Variants in DDR1 observed in about 807,000 individuals in gnomAD.
The protein encoded by DDR1 is discoidin domain receptor tyrosine kinase 1, also known as epithelial discoidin domain-containing receptor 1.
In DDR1, 64 loss-of-function variants were observed where a neutral mutation model predicts 97.4. The ratio of observed to expected loss-of-function variants is 0.66; its 90% CI spans 0.54 to 0.81. The LOEUF (loss-of-function observed/expected upper bound fraction) is 0.81, where lower values mean the gene tolerates loss of function less well. Among genes scored for constraint, DDR1 ranks in the 30% least tolerant of loss-of-function variants. DDR1 has a pLI of 0.00. For missense variants in DDR1, 990 were observed against 1,259.6 expected (o/e 0.79, Z 3.24); for synonymous variants, 458 against 503.7 (o/e 0.91, Z 1.21).
intron 13 of DDR1, 44 bp from the exon 14 acceptor site, chr6:30,896,970 C>A: frequency 6.3e-7 from 1 of 1,593,286 alleles, no homozygotes; most frequent in South Asian, 1.1e-5. Flanking sequence ...CGTGTTAATC[C>A]GTTTGACCCT....
chr6:30,891,279 G>A lies in DDR1; in HGVS notation c.566-101G>A. The A allele has an allele frequency of 3.5e-6, 5 of 1,408,650 alleles. No individual in the cohort carries two copies. Among genetic ancestry groups the A allele is most frequent in the Non-Finnish European group, 4.9e-6 (5 of 1,018,808 alleles). 87.3% of individuals were successfully genotyped at this position (1,408,650 alleles called of 1,614,324 possible). ...GTCTCCTCCATGCCAATGAGCCAGT[G>A]GAGAGATACAAGAAGGGACCTGAAA... On this transcript the variant is annotated intron_variant, in intron 5 of 17. Transcript: ENST00000376568. The surrounding 1 kb of genome is among the most constrained non-coding windows in gnomAD (Gnocchi z 5.3).
chr6:30,888,485 TA>T lies in DDR1; in HGVS notation c.-42-199del. 3.3e-6 allele frequency: 2 copies of T among 608,274 alleles called. No individual in the cohort carries two copies. The highest frequency in any genetic ancestry group is 5.7e-6 in the Non-Finnish European group (2 of 350,808). The allele number at this position is 608,274 out of a possible 1,614,324, so 37.7% of individuals were successfully genotyped here. A position where few individuals can be genotyped will look rare whatever the true frequency, so the allele number is the denominator to read the frequency against. ...CTACCTTATGAAGTGACTGTGAAGA[TA>T]AAATTATGGATTCTGTTTAAGGGTT... On this transcript the variant is annotated intron_variant, in intron 1 of 17. Transcript: ENST00000376568. This position sits in a 1 kb window ranked among gnomAD's most constrained non-coding sequence, Gnocchi z 4.2.
chr6:30,893,096 G>C lies in DDR1; in HGVS notation c.1128G>C (p.Leu376=), dbSNP rs1214741073. 6.2e-7 allele frequency: 1 copy of C among 1,612,262 alleles called. No individual in the cohort carries two copies. Among genetic ancestry groups the C allele is most frequent in the Non-Finnish European group, 8.5e-7 (1 of 1,179,912 alleles). The change falls in exon 9 of 18, where the codon CTG becomes CTC. Residue 376 remains leucine (L), a synonymous_variant. Transcript: ENST00000376568. ...TGGTGAACAATTCCTCTCCGGCACT[G>C]GGAGGCACCTTCCCGCCAGCCCCCT... ...SDVVNNSSPA[L]GGTFPPAPWW...
chr6:30,897,233 G>A lies in DDR1; in HGVS notation c.1997+92G>A, dbSNP rs2150437207. On this transcript the variant is annotated intron_variant, in intron 14 of 17. Transcript: ENST00000376568. The surrounding 1 kb of genome is among the most constrained non-coding windows in gnomAD (Gnocchi z 5.2). ...GAGAACAATGGCAGAGCCCAACAGA[G>A]GGGTGGCATCTCTGGGAGGGGATTT... 1.9e-6 allele frequency: 3 copies of A among 1,562,836 alleles called. No individual in the cohort carries two copies. Among genetic ancestry groups the A allele is most frequent in the Non-Finnish European group, 2.6e-6 (3 of 1,153,520 alleles).
At chr6:30,881,061 C>G (rs1192609995), upstream of DDR1, 7 of 152,200 alleles carry the variant, frequency 4.6e-5, no homozygotes, top group Admixed American at 1.3e-4. Flanking sequence ...CGTTGGCAGC[C>G]CCAGACCCGA....
intron 12 of DDR1, among the ~76,000 whole-genome samples, chr6:30,896,419 C>T (rs1319427123): frequency 6.6e-6 from 1 of 152,018 alleles, no homozygotes; most frequent in Non-Finnish European, 1.5e-5. Flanking sequence ...TTGAAAAGCT[C>T]TGGAATAGCT....
Position 30,889,015 on chromosome 6 carries a change from T to C in DDR1, c.188+5T>C. On this transcript the variant is annotated splice_donor_5th_base_variant and intron_variant, in intron 3 of 17. Transcript: ENST00000376568. The surrounding 1 kb of genome is among the most constrained non-coding windows in gnomAD (Gnocchi z 4.9). ...CACTGCCGCCCGCCACAGCAGGTAC[T>C]TGGCACACCTGGCACACTTGTAGCT... 6.2e-7 allele frequency: 1 copy of C among 1,612,920 alleles called. No homozygotes were observed.
Position 30,891,647 on chromosome 6 carries a change from G to A in DDR1, c.665+168G>A, listed in dbSNP as rs1276593521. Among the ~76,000 whole-genome samples the A allele has an allele frequency of 6.6e-6, 1 of 152,036 alleles. No individual in the cohort carries two copies. The highest frequency in any genetic ancestry group is 1.5e-5 in the Non-Finnish European group (1 of 67,986). The stretch of plus-strand genomic sequence containing the variant: ...GGGATGGGTTAGGTGGGGCCTCAAA[G>A]GGTAGCACTAGGGTGACCACTAGCC... On this transcript the variant is annotated intron_variant, in intron 6 of 17. Coordinates refer to ENST00000376568, the MANE Select transcript of DDR1 (RefSeq NM_001297654.2). The surrounding 1 kb of genome is among the most constrained non-coding windows in gnomAD (Gnocchi z 5.3).
chr6:30,884,332 C>T (rs945775069), upstream of DDR1: 3 of 148,580 alleles, frequency 2.0e-5, no homozygotes, highest in Non-Finnish European at 4.5e-5. This position sits in a 1 kb window ranked among gnomAD's most constrained non-coding sequence, Gnocchi z 6.1. Context: ...GGCGCGGGGC[C>T]TGGAGCTCGG....
Position 30,897,478 on chromosome 6 carries a change from G to T in DDR1, c.2097G>T (p.Met699Ile). Reference sequence around the variant, plus strand: ...GTGTGCAGGACGACCCCCTCTGCATGATTACTGACTACATGGAGAACGGCG... The same window carrying T: ...GTGTGCAGGACGACCCCCTCTGCATTATTACTGACTACATGGAGAACGGCG... Reference protein sequence around the residue: ...GVCVQDDPLCMITDYMENGDL... With the variant: ...GVCVQDDPLCIITDYMENGDL... Residue 699 changes from methionine (M) to isoleucine (I), a missense_variant, in exon 15 of 18, where the codon ATG becomes ATT. Transcript: ENST00000376568. The surrounding 1 kb of genome is among the most constrained non-coding windows in gnomAD (Gnocchi z 5.2). 6.2e-7 allele frequency: 1 copy of T among 1,614,132 alleles called. No homozygotes were observed. The highest frequency in any genetic ancestry group is 8.5e-7 in the Non-Finnish European group (1 of 1,180,010).
At position 30,892,287 on chromosome 6, in the gene DDR1, TC is replaced by T; in HGVS notation, c.853-3del. ...GCCTTGACCCTGTGCCCTCTTCCCT[TC>T]CCCCCAGGTCCACTGTAACAACATG... On this transcript the variant is annotated splice_region_variant and splice_polypyrimidine_tract_variant and intron_variant, in intron 7 of 17. Transcript: ENST00000376568. 5 of 1,574,866 alleles carry T rather than the reference TC, an allele frequency of 3.2e-6. No individual in the cohort carries two copies. The highest frequency in any genetic ancestry group is 1.3e-5 in the African/African-American group (1 of 74,360).
chr6:30,899,091 A>G, intron 17 of DDR1, 54 bp downstream of exon 17: 1 of 1,614,170 alleles, frequency 6.2e-7, no homozygotes, highest in Non-Finnish European at 8.5e-7. Context: ...GAAGGGGCAG[A>G]GTTGTCATCT....
rs936816885 is a variant in DDR1 at position 30,891,018 on chromosome 6, C to G, written c.463C>G (p.Leu155Val). The G allele has an allele frequency of 4.3e-6, 7 of 1,612,652 alleles. No homozygotes were observed. The highest frequency in any genetic ancestry group is 5.1e-6 in the Non-Finnish European group (6 of 1,179,866). ...CCCTGAGGGAGTGGTGCTGAAGGAC[C>G]TTGGGCCCCCCATGGTTGCCCGACT... ...EDPEGVVLKD[L>V]GPPMVARLVR... Residue 155 changes from leucine to valine, a missense_variant, in exon 5 of 18, where the codon CTT becomes GTT. Transcript: ENST00000376568. The surrounding 1 kb of genome is among the most constrained non-coding windows in gnomAD (Gnocchi z 5.3).
At position 30,890,928 on chromosome 6, in the gene DDR1, T is replaced by A; in HGVS notation, c.418-45T>A. On this transcript the variant is annotated intron_variant, in intron 4 of 17. Transcript: ENST00000376568. This position sits in a 1 kb window ranked among gnomAD's most constrained non-coding sequence, Gnocchi z 5.0. ...CAGCTGGTGGGTGGGAAGTAAGATCTGACCTGGACTCCATCCCACCCACCC... is the reference window on the plus strand; with the variant it reads ...CAGCTGGTGGGTGGGAAGTAAGATCAGACCTGGACTCCATCCCACCCACCC... 6.5e-7 allele frequency: 1 copy of A among 1,539,138 alleles called. No individual in the cohort carries two copies. The highest frequency in any genetic ancestry group is 2.3e-5 in the East Asian group (1 of 44,130).
In DDR1 at chr6:30,890,734, G is replaced by A. The variant is rs1249777601; in HGVS notation, c.418-239G>A. The A allele has an allele frequency of 4.2e-6, 2 of 479,030 alleles. No homozygotes were observed. Among genetic ancestry groups the A allele is most frequent in the Non-Finnish European group, 7.3e-6 (2 of 275,644 alleles). The allele number at this position is 479,030 out of a possible 1,614,324, so 29.7% of individuals were successfully genotyped here. On this transcript the variant is annotated intron_variant, in intron 4 of 17. Coordinates refer to ENST00000376568, the MANE Select transcript of DDR1 (RefSeq NM_001297654.2). This position sits in a 1 kb window ranked among gnomAD's most constrained non-coding sequence, Gnocchi z 5.0. ...TGGATGGAGCCAGGCAAGGAGAAGA[G>A]GGCAGCTGAGCCTGAAGTCTGAGGA... is the stretch of plus-strand genomic sequence containing the variant.
intron 12 of DDR1, among the ~76,000 whole-genome samples, chr6:30,896,284 G>A (rs1562402203): frequency 6.6e-6 from 1 of 151,692 alleles, no homozygotes; most frequent in Non-Finnish European, 1.5e-5. Context: ...ATCCTGAGGC[G>A]GGAGAATTCC....
chr6:30,897,346 G>A lies in DDR1; in HGVS notation c.1998-33G>A, dbSNP rs559051044. 33 of 1,610,476 alleles carry A rather than the reference G, an allele frequency of 2.0e-5. No individual in the cohort carries two copies. Among genetic ancestry groups the A allele is most frequent in the South Asian group, 8.8e-5 (8 of 90,610 alleles). On this transcript the variant is annotated intron_variant, in intron 14 of 17. Transcript: ENST00000376568. This position sits in a 1 kb window ranked among gnomAD's most constrained non-coding sequence, Gnocchi z 5.2. ...GGGGGAAGGTGCAGGCCGCCCACTC[G>A]GCATTCCTCTTCAGCTTCTCCTTGT...
At chr6:30,896,561 C>T (rs1790838266) in intron 12 of DDR1, 60 bp from the exon 13 acceptor site, 1 of 1,558,474 alleles carries the variant, frequency 6.4e-7, no homozygotes, top group African/African-American at 1.4e-5. Context: ...GTGTGGGGAA[C>T]TATAGCTCTT....
Position 30,897,487 on chromosome 6 carries a change from C to T in DDR1, c.2106C>T (p.Asp702=). 1 of 1,614,166 alleles carries T rather than the reference C, an allele frequency of 6.2e-7. No homozygotes were observed. The highest frequency in any genetic ancestry group is 8.5e-7 in the Non-Finnish European group (1 of 1,180,020). The change falls in exon 15 of 18, where the codon GAC becomes GAT. Residue 702 remains aspartate (D), a synonymous_variant. Coordinates refer to ENST00000376568, the MANE Select transcript of DDR1 (RefSeq NM_001297654.2). The surrounding 1 kb of genome is among the most constrained non-coding windows in gnomAD (Gnocchi z 5.2). ...ACGACCCCCTCTGCATGATTACTGA[C>T]TACATGGAGAACGGCGACCTCAACC... ...VQDDPLCMIT[D]YMENGDLNQF...
Sources: allele counts gnomAD v4.1 joint callset (sites outside exome capture counted in the v4.1 genomes callset), GRCh38; gene constraint gnomAD v4.1.1; non-coding constraint Gnocchi (gnomAD v3.1); transcripts MANE v1.5; gene names NCBI Gene and HGNC (gene_info 2026-07-23, HGNC 2026-07-21).